The following PDIA6 variants were observed in gnomAD, a reference collection of about 807,000 sequenced individuals.
PDIA6 encodes protein disulfide isomerase family A member 6, also known as protein disulfide-isomerase A6.
Under a neutral mutation model 58.4 loss-of-function variants are expected in PDIA6, and 29 were observed. That is an observed-to-expected ratio of 0.50 (90% CI 0.37 to 0.68). The LOEUF (loss-of-function observed/expected upper bound fraction) is 0.68. Among genes scored for constraint, PDIA6 ranks in the 30% least tolerant of loss-of-function variants. The pLI, the probability that PDIA6 is intolerant of heterozygous loss-of-function variation, is 0.00. For synonymous variants in PDIA6, 192 were observed against 202.6 expected (o/e 0.95, Z 0.44); for missense variants, 480 against 551.0 (o/e 0.87, Z 1.29).
rs147509333 is a variant in PDIA6, at chr2:10,789,830, G to A, written c.759C>T (p.Asp253=). Residue 253 remains aspartate, a synonymous_variant, in exon 8 of 13, where the codon GAC becomes GAT. Coordinates refer to ENST00000272227, the MANE Select transcript of PDIA6 (RefSeq NM_005742.4). ...CGATGTCGGATCTTGTCCGCCCACC[G>A]TCATAATCCACAGGAGACTCGCCTT... ...FQKGESPVDY[D]GGRTRSDIVS... 491 of 1,613,596 alleles carry A rather than the reference G, an allele frequency of 3.0e-4. No individual in the cohort carries two copies. The highest frequency in any genetic ancestry group is 4.0e-4 in the Non-Finnish European group (468 of 1,179,684).
chr2:10,809,518 A>G (rs1572687567), intron 1 of PDIA6, among the ~76,000 whole-genome samples: 2 of 151,996 alleles, frequency 1.3e-5, no homozygotes, highest in South Asian at 4.1e-4. Flanking sequence ...TCTTGTAGAG[A>G]AAAAATATGA....
intron 11 of PDIA6, among the ~76,000 whole-genome samples, chr2:10,786,663 A>C (rs1401897432): frequency 1.3e-5 from 2 of 152,198 alleles, no homozygotes; most frequent in African/African-American, 4.8e-5. Flanking sequence ...TGTGCTGAAC[A>C]TCTCTTATAC....
At chr2:10,817,981 G>A (rs1478538204) in intron 2 of PDIA6, among the ~76,000 whole-genome samples, 1 of 151,334 alleles carries the variant, frequency 6.6e-6, no homozygotes. Flanking sequence ...ATCCGACAGG[G>A]GACATGTACC....
chr2:10,811,036 A>C (rs1686420), intron 1 of PDIA6, among the ~76,000 whole-genome samples: 42,045 of 151,910 alleles, frequency 0.28, 6,178 homozygotes, highest in Middle Eastern at 0.42. Context: ...TGCTAGGAGG[A>C]GTCTACAGTC....
In PDIA6 at chr2:10,788,877, A is replaced by G; in HGVS notation, c.925+20T>C. ...ATCTAGCATAGAACAGCTAAGGGAA[A>G]TCATTTCCGTCTGTCTTACCAGTAT... On this transcript the variant is annotated intron_variant, in intron 9 of 12. Transcript: ENST00000272227. 1 of 1,602,416 alleles carries G rather than the reference A, an allele frequency of 6.2e-7. No individual in the cohort carries two copies. Among genetic ancestry groups the G allele is most frequent in the South Asian group, 1.1e-5 (1 of 90,820 alleles).
upstream of PDIA6, among the ~76,000 whole-genome samples, chr2:10,817,311 G>A (rs1667227398): frequency 6.6e-6 from 1 of 152,114 alleles, no homozygotes; most frequent in Non-Finnish European, 1.5e-5. Context: ...GTTACAACAC[G>A]GCAGGTAGAA....
Position 10,801,841 on chromosome 2 carries a change from G to C in PDIA6, c.161+658C>G, listed in dbSNP as rs563764687. Among the ~76,000 whole-genome samples, 6 of 152,304 alleles carry C rather than the reference G, an allele frequency of 3.9e-5. No homozygotes were observed. The East Asian group carries it at 1.2e-3, about 29-fold the overall frequency. Reference sequence around the variant, plus strand: ...AATATCCCTCACTTAAGCTTACAAAGCCTTGTTCACATGTCAAAGGACTCC... The same window carrying C: ...AATATCCCTCACTTAAGCTTACAAACCCTTGTTCACATGTCAAAGGACTCC... On this transcript the variant is annotated intron_variant, in intron 2 of 12. Transcript: ENST00000272227.
At position 10,787,255 on chromosome 2, in the gene PDIA6, A is replaced by G. The variant is rs752030278; in HGVS notation, c.1157+26T>C. 5.0e-6 allele frequency: 8 copies of G among 1,606,290 alleles called. No individual in the cohort carries two copies. The South Asian group carries it at 7.7e-5, about 15-fold the overall frequency. ...CAGAACCAAACAAACAGACAAAACA[A>G]CAAACAACCTAAGAAAACAAATTAC... On this transcript the variant is annotated intron_variant, in intron 11 of 12. Coordinates refer to ENST00000272227, the MANE Select transcript of PDIA6 (RefSeq NM_005742.4).
rs762084005 is a variant in PDIA6, at chr2:10,793,136, C to T, written c.413G>A (p.Arg138His). The change falls in exon 5 of 13, where the codon CGC (arginine) becomes CAC (histidine). Residue 138 changes from arginine (R) to histidine (H), a missense_variant. Physicochemically the swap from Arg to His is conservative, Grantham distance 29. Coordinates refer to ENST00000272227, the MANE Select transcript of PDIA6 (RefSeq NM_005742.4). ...LSALRQLVKD[R>H]LGGRSGGYSS... Reference sequence around the variant, plus strand: ...GTATCCTCCGCTCCGTCCCCCGAGGCGATCCTTCACGAGCTGGCGCAGAGC... The same window carrying T: ...GTATCCTCCGCTCCGTCCCCCGAGGTGATCCTTCACGAGCTGGCGCAGAGC... 3.1e-6 allele frequency: 5 copies of T among 1,614,048 alleles called. No homozygotes were observed. Among genetic ancestry groups the T allele is most frequent in the East Asian group, 2.2e-5 (1 of 44,884 alleles).
At chr2:10,793,286 C>G (rs1223599800) in intron 4 of PDIA6, 84 bp from the exon 5 acceptor site, 2 of 862,964 alleles carry the variant, frequency 2.3e-6, no homozygotes, top group Admixed American at 1.9e-5. Flanking sequence ...GTGTCTTTAC[C>G]TCACTGTCGG....
chr2:10,812,370 A>T (rs1032221325), intron 1 of PDIA6, among the ~76,000 whole-genome samples: 5 of 151,490 alleles, frequency 3.3e-5, no homozygotes, highest in African/African-American at 1.2e-4. Context: ...CCTCCCCGGG[A>T]TCCGGCCGGG....
rs1278471108 is a variant in PDIA6, at chr2:10,783,498, C to T, written c.*760G>A. 10 of 418,886 alleles carry T rather than the reference C, an allele frequency of 2.4e-5. No individual in the cohort carries two copies. Among genetic ancestry groups the T allele is most frequent in the South Asian group, 5.5e-5 (2 of 36,560 alleles). 25.9% of individuals were successfully genotyped at this position (418,886 alleles called of 1,614,324 possible). On this transcript the variant is annotated 3_prime_UTR_variant, in exon 13 of 13. Coordinates refer to ENST00000272227, the MANE Select transcript of PDIA6 (RefSeq NM_005742.4). ...ATTTTCTGAATGTTTTACATAAATG[C>T]GAACTACCTGTTCGCATTGGTAACC...
At chr2:10,837,467 A>G (rs568220940), upstream of PDIA6, 21 of 681,534 alleles carry the variant, frequency 3.1e-5, no homozygotes, top group African/African-American at 3.5e-4. Context: ...AGCCAGGGAG[A>G]GGTTGGTATG....
rs11545886 is a variant in PDIA6 at position 10,784,176 on chromosome 2, G to A, written c.*82C>T. Reference sequence around the variant, plus strand: ...AAAGGCCACTGGTAGAGTCATCTGAGTGTAGAGAATGTCCCTTCACTGCTG... The same window carrying A: ...AAAGGCCACTGGTAGAGTCATCTGAATGTAGAGAATGTCCCTTCACTGCTG... On this transcript the variant is annotated 3_prime_UTR_variant, in exon 13 of 13. Coordinates refer to ENST00000272227, the MANE Select transcript of PDIA6 (RefSeq NM_005742.4). 9.9e-7 allele frequency: 1 copy of A among 1,012,420 alleles called. No homozygotes were observed. The highest frequency in any genetic ancestry group is 1.5e-6 in the Non-Finnish European group (1 of 665,690). The allele number at this position is 1,012,420 out of a possible 1,614,324, so 62.7% of individuals were successfully genotyped here.
chr2:10,824,851 G>A (rs190999964), intron 1 of PDIA6, among the ~76,000 whole-genome samples: 2 of 152,258 alleles, frequency 1.3e-5, no homozygotes, highest in Admixed American at 1.3e-4. Flanking sequence ...TTCACTCTTG[G>A]TATCTGTGAT....
chr2:10,789,079 G>T, intron 8 of PDIA6, 98 bp from the exon 9 acceptor site: 1 of 843,742 alleles, frequency 1.2e-6, no homozygotes, highest in African/African-American at 1.7e-5. Context: ...CACTTTCATT[G>T]AAAACATTTC....
chr2:10,827,364 T>A (rs919216044), intron 1 of PDIA6, among the ~76,000 whole-genome samples: 1 of 152,146 alleles, frequency 6.6e-6, no homozygotes, highest in Non-Finnish European at 1.5e-5. Flanking sequence ...CACCCAGCCT[T>A]ATTTACATAT....
intron 1 of PDIA6, among the ~76,000 whole-genome samples, chr2:10,812,277 C>T (rs376929268): frequency 1.9e-4 from 29 of 152,144 alleles, no homozygotes; most frequent in African/African-American, 6.3e-4. Context: ...CAGTGCAGGA[C>T]GCCCGCCAAC....
Position 10,812,755 on chromosome 2 carries a change from G to A in PDIA6, c.-59C>T, listed in dbSNP as rs543555299. 314 of 1,375,128 alleles carry A rather than the reference G, an allele frequency of 2.3e-4. No homozygotes were observed. In the African/African-American group the frequency reaches 4.3e-3, roughly 19 times the overall value. 85.2% of individuals were successfully genotyped at this position (1,375,128 alleles called of 1,614,324 possible). A position where few individuals can be genotyped will look rare whatever the true frequency, so the allele number is the denominator to read the frequency against. ...CGCCGCCGCTTCAGCCCTGCAGCGT[G>A]CCGCACGCCGCGCCCCCGCGCCCAC... is the stretch of plus-strand genomic sequence containing the variant. On this transcript the variant is annotated 5_prime_UTR_variant, in exon 1 of 13. Coordinates refer to ENST00000272227, the MANE Select transcript of PDIA6 (RefSeq NM_005742.4).
Sources: gnomAD v4.1 joint callset for allele counts (sites outside exome capture counted in the v4.1 genomes callset) on GRCh38, gnomAD v4.1.1 for gene constraint, MANE v1.5 for transcripts, NCBI Gene and HGNC (gene_info 2026-07-23, HGNC 2026-07-21) for gene names.